SYT12: variants seen among roughly 807,000 people sequenced by gnomAD.
SYT12 encodes the protein synaptotagmin 12, also known as synaptotagmin-12.
Under a neutral mutation model 39.5 loss-of-function variants are expected in SYT12, and 27 were observed. The observed-to-expected ratio is 0.68, with a 90% CI of 0.50 to 0.94. The LOEUF (loss-of-function observed/expected upper bound fraction) is 0.94, where lower values mean the gene tolerates loss of function less well. Among genes scored for constraint, SYT12 ranks in the 40% least tolerant of loss-of-function variants. SYT12 has a pLI of 0.00. For synonymous variants in SYT12, 233 were observed against 239.7 expected, an observed-to-expected ratio of 0.97 and a Z score of 0.26; for missense variants, 536 against 572.6, an observed-to-expected ratio of 0.94 and a Z score of 0.65.
Position 67,039,942 on chromosome 11 carries a change from G to A in SYT12, c.360G>A (p.Leu120=), listed in dbSNP as rs761312787. ...LGPLELMGRE[L]DLAPYGTLRK... The stretch of plus-strand genomic sequence containing the variant: ...CTCTGGAGCTGATGGGCCGGGAGTT[G>A]GACCTGGCCCCCTATGGGACCCTCC... Residue 120 remains leucine (L), a synonymous_variant, in exon 4 of 8, where the codon TTG becomes TTA. Transcript: ENST00000527043. The A allele has an allele frequency of 8.7e-6, 14 of 1,613,676 alleles. No homozygotes were observed. The highest frequency in any genetic ancestry group is 1.1e-5 in the Non-Finnish European group (13 of 1,180,050).
rs1377395002 is a variant in SYT12, at chr11:67,050,102, A to C, written c.*1345A>C. On this transcript the variant is annotated 3_prime_UTR_variant, in exon 8 of 8. Transcript: ENST00000527043. ...GATCGCTGTGGGGGCAGGGGCCTGG[A>C]GTACGAGGGGCACCCTGGGGGCTCC... 2 of 152,208 alleles carry C rather than the reference A, an allele frequency of 1.3e-5. No individual in the cohort carries two copies. Among genetic ancestry groups the C allele is most frequent in the East Asian group, 3.9e-4 (2 of 5,170 alleles). 9.4% of individuals were successfully genotyped at this position (152,208 alleles called of 1,614,324 possible). A position where few individuals can be genotyped will look rare whatever the true frequency, so the allele number is the denominator to read the frequency against.
intron 5 of SYT12, among the ~76,000 whole-genome samples, 184 bp downstream of exon 5, chr11:67,044,037 T>A (rs979416380): frequency 3.9e-5 from 6 of 152,088 alleles, no homozygotes; most frequent in African/African-American, 1.4e-4. Context: ...TTCAAAAACA[T>A]CCCGACCACT....
At chr11:67,012,281 G>T (rs1950019243) in intron 3 of SYT12, among the ~76,000 whole-genome samples, 1 of 152,098 alleles carries the variant, frequency 6.6e-6, no homozygotes, top group African/African-American at 2.4e-5. Flanking sequence ...TGAGGCAGGA[G>T]AATCGCTTGA....
chr11:67,046,474 T>C (rs1179830177), intron 7 of SYT12, among the ~76,000 whole-genome samples: 1 of 152,194 alleles, frequency 6.6e-6, no homozygotes, highest in Non-Finnish European at 1.5e-5. Flanking sequence ...AGAAAGTCCT[T>C]TGTGCCTTGA....
intron 1 of SYT12, chr11:67,027,900 G>C (rs1192403147): frequency 6.6e-6 from 1 of 152,244 alleles, no homozygotes; most frequent in South Asian, 2.1e-4. Context: ...TGGGAGGTGC[G>C]TGTGTGTACA....
chr11:67,039,835 C>G lies in SYT12; in HGVS notation c.253C>G (p.Arg85Gly). 6.2e-7 allele frequency: 1 copy of G among 1,611,742 alleles called. No individual in the cohort carries two copies. The highest frequency in any genetic ancestry group is 8.5e-7 in the Non-Finnish European group (1 of 1,179,664). The change falls in exon 4 of 8, where the codon CGG becomes GGG. Residue 85 changes from arginine to glycine, a missense_variant. Arg to Gly is a moderately radical substitution (Grantham distance 125). Coordinates refer to ENST00000527043, the MANE Select transcript of SYT12 (RefSeq NM_177963.4). The part of the protein sequence containing the change: ...EKRVPAWNAQ[R>G]ASTRGPPSRK... Reference sequence around the variant, plus strand: ...GAGAGTGCCTGCCTGGAATGCCCAGCGGGCCAGCACGCGGGGACCACCCAG... The same window carrying G: ...GAGAGTGCCTGCCTGGAATGCCCAGGGGGCCAGCACGCGGGGACCACCCAG...
chr11:67,046,663 G>T lies in SYT12; in HGVS notation c.1092+786G>T, dbSNP rs560270250. ...ATCGTAGCCTTCACCTGCCACCCTC[G>T]TGGAGCAGGCTGCCCATGTGTCCTC... On this transcript the variant is annotated intron_variant, in intron 7 of 7. Transcript: ENST00000527043. 8.5e-5 allele frequency among the ~76,000 whole-genome samples: 13 copies of T among 152,238 alleles called. 2 individuals carry two copies. The South Asian group carries it at 2.7e-3, about 32-fold the overall frequency.
At chr11:67,012,390 T>C (rs1950020092) in intron 3 of SYT12, among the ~76,000 whole-genome samples, 1 of 151,884 alleles carries the variant, frequency 6.6e-6, no homozygotes, top group African/African-American at 2.4e-5. Flanking sequence ...TTAAAAATAA[T>C]AATAAATAAA....
At chr11:67,038,337 T>C (rs1182583077) in intron 3 of SYT12, among the ~76,000 whole-genome samples, 1 of 151,944 alleles carries the variant, frequency 6.6e-6, no homozygotes, top group Non-Finnish European at 1.5e-5. Context: ...CGGCTAATTT[T>C]TGTAGTTTTA....
At position 67,034,709 on chromosome 11, in the gene SYT12, A is replaced by T; in HGVS notation, c.99A>T (p.Gly33=). The T allele has an allele frequency of 6.2e-7, 1 of 1,602,758 alleles. No homozygotes were observed. Among genetic ancestry groups the T allele is most frequent in the Non-Finnish European group, 8.5e-7 (1 of 1,175,680 alleles). ...VYAAGALALL[G]IAAVSLWKLW... ...CTGCAGGGGCCCTGGCCCTGCTGGG[A>T]ATCGCAGCTGTGAGCCTGTGGAAGC... Residue 33 remains glycine, a synonymous_variant, in exon 3 of 8, where the codon GGA becomes GGT. Coordinates refer to ENST00000527043, the MANE Select transcript of SYT12 (RefSeq NM_177963.4).
intron 3 of SYT12, among the ~76,000 whole-genome samples, chr11:67,013,966 G>T (rs898940266): frequency 1.6e-4 from 25 of 152,292 alleles, no homozygotes; most frequent in African/African-American, 5.8e-4. Context: ...AGCAACCCTT[G>T]ATATTCCTTG....
upstream of SYT12, among the ~76,000 whole-genome samples, chr11:67,019,255 C>T (rs759675292): frequency 3.3e-5 from 5 of 151,974 alleles, no homozygotes; most frequent in Non-Finnish European, 5.9e-5. Context: ...GGTAGATCAC[C>T]TGAGGTCGGA....
rs1391304151 is a variant in SYT12, at chr11:67,012,014, C to T, written c.-69+1020C>T. ...TCCTGACCTTGTGATCCACCCACCTCGGCCTCCCAAAGTGCTGGGATTACA... is the reference window on the plus strand; with the variant it reads ...TCCTGACCTTGTGATCCACCCACCTTGGCCTCCCAAAGTGCTGGGATTACA... On this transcript the variant is annotated intron_variant, in intron 3 of 10. Coordinates refer to the SYT12 transcript ENST00000393946. 2.7e-5 allele frequency among the ~76,000 whole-genome samples: 4 copies of T among 150,508 alleles called. No homozygotes were observed. The East Asian group carries it at 8.2e-4, about 31-fold the overall frequency.
intron 2 of SYT12, among the ~76,000 whole-genome samples, chr11:67,033,287 G>A (rs1470489864): frequency 6.6e-6 from 1 of 152,096 alleles, no homozygotes; most frequent in South Asian, 2.1e-4. Context: ...CCCTCTTCCA[G>A]GAGGCCTTCC....
chr11:67,012,453 G>C (rs778087535), intron 3 of SYT12, among the ~76,000 whole-genome samples: 2 of 152,160 alleles, frequency 1.3e-5, no homozygotes, highest in Non-Finnish European at 2.9e-5. Context: ...ACCTCAGACT[G>C]ACTGAGCTAT....
In SYT12 at chr11:67,044,721, C is replaced by T. The variant is rs369072706; in HGVS notation, c.958+8C>T. 2 of 1,613,320 alleles carry T rather than the reference C, an allele frequency of 1.2e-6. No individual in the cohort carries two copies. The highest frequency in any genetic ancestry group is 1.7e-6 in the Non-Finnish European group (2 of 1,179,786). ...ACGACAAGACCACAGCGGGTAAGGC[C>T]CAGCCGGCAGCCCGGCTCCTCCACG... On this transcript the variant is annotated splice_region_variant and intron_variant, in intron 6 of 7. Coordinates refer to ENST00000527043, the MANE Select transcript of SYT12 (RefSeq NM_177963.4).
chr11:67,017,655 C>A (rs1950068680), intron 3 of SYT12, among the ~76,000 whole-genome samples: 1 of 151,630 alleles, frequency 6.6e-6, no homozygotes, highest in Non-Finnish European at 1.5e-5. Flanking sequence ...CCACCTCGCC[C>A]AGCCACAACA....
chr11:67,046,775 A>G (rs1854565271), intron 7 of SYT12, among the ~76,000 whole-genome samples: 1 of 152,216 alleles, frequency 6.6e-6, no homozygotes, highest in African/African-American at 2.4e-5. Flanking sequence ...GTGGAGGAGG[A>G]GAGAGATCGG....
rs1372216685 is a variant in SYT12 at position 67,049,014 on chromosome 11, C to T, written c.*257C>T. ...GGACAGAGGACTCAACCCTGCTCCT[C>T]CCGGTAGGCCAGCTGCCGAGCTGGG... is the stretch of plus-strand genomic sequence containing the variant. On this transcript the variant is annotated 3_prime_UTR_variant, in exon 8 of 8. Coordinates refer to ENST00000527043, the MANE Select transcript of SYT12 (RefSeq NM_177963.4). 3 of 398,358 alleles carry T rather than the reference C, an allele frequency of 7.5e-6. No homozygotes were observed. The highest frequency in any genetic ancestry group is 3.7e-5 in the Admixed American group (1 of 27,154). The allele number at this position is 398,358 out of a possible 1,614,324, so 24.7% of individuals were successfully genotyped here. A position where few individuals can be genotyped will look rare whatever the true frequency, so the allele number is the denominator to read the frequency against.
Sources: gnomAD v4.1 joint callset for allele counts (sites outside exome capture counted in the v4.1 genomes callset) on GRCh38, gnomAD v4.1.1 for gene constraint, MANE v1.5 for transcripts, NCBI Gene and HGNC (gene_info 2026-07-23, HGNC 2026-07-21) for gene names.